HTT: variants seen among roughly 807,000 people sequenced by gnomAD.
The protein encoded by HTT is huntingtin.
Under a neutral mutation model 362.3 loss-of-function variants are expected in HTT, and 104 were observed. The observed-to-expected ratio is 0.29, with a 90% confidence interval of 0.24 to 0.34. The LOEUF (loss-of-function observed/expected upper bound fraction) is 0.34, where lower values mean the gene tolerates loss of function less well. Ranked by LOEUF, HTT falls within the 10% of genes least tolerant of loss-of-function variation. The pLI is 1.00. For missense variants in HTT, 3,301 were observed against 3,928.6 expected, an observed-to-expected ratio of 0.84 and a Z score of 4.27; for synonymous variants, 1,577 against 1,548.7, an observed-to-expected ratio of 1.02 and a Z score of -0.43.
At chr4:3,195,404 A>G (rs1371012947) in intron 40 of HTT, among the ~76,000 whole-genome samples, 3 of 151,972 alleles carry the variant, frequency 2.0e-5, no homozygotes, top group African/African-American at 7.3e-5. Flanking sequence ...TGCAGCCTGC[A>G]TCCGCCTTCC....
rs150768707 is a variant in HTT at position 3,221,586 on chromosome 4, G to A, written c.7370-801G>A. ...CTGTCTCTTGTTCTTTCTTTACCCC[G>A]TTTATCACGGGGACCCCGATGTCCA... On this transcript the variant is annotated intron_variant, in intron 53 of 66. Coordinates refer to ENST00000355072, the MANE Select transcript of HTT (RefSeq NM_001388492.1). 5.1e-4 allele frequency among the ~76,000 whole-genome samples: 77 copies of A among 152,176 alleles called. 1 individual carries two copies. The highest frequency in any genetic ancestry group is 1.6e-3 in the African/African-American group (66 of 41,506).
At chr4:3,237,554 C>T (rs1721598147) in intron 64 of HTT, among the ~76,000 whole-genome samples, 1 of 151,926 alleles carries the variant, frequency 6.6e-6, no homozygotes, top group South Asian at 2.1e-4. Flanking sequence ...GTGGTGCACG[C>T]CTTCCGCTTG....
chr4:3,134,229 G>C (rs1403961408), intron 18 of HTT, among the ~76,000 whole-genome samples, 172 bp from the exon 19 acceptor site: 6 of 152,222 alleles, frequency 3.9e-5, no homozygotes, highest in Admixed American at 6.5e-5. Context: ...TATTTACTGA[G>C]ATAAAGTATT....
At chr4:3,238,730 G>GGGGCCCCCCCCC in intron 65 of HTT, 88 bp from the exon 66 acceptor site, 1 of 1,097,030 alleles carries the variant, frequency 9.1e-7, no homozygotes, top group Non-Finnish European at 1.3e-6. Flanking sequence ...AATGCCTCTG[G>GGGGCCCCCCCCC]CCCCCACCCC....
chr4:3,119,482 G>C (rs901776835), intron 8 of HTT, among the ~76,000 whole-genome samples: 49 of 152,156 alleles, frequency 3.2e-4, no homozygotes, highest in African/African-American at 1.1e-3. Flanking sequence ...AGGTTATTGT[G>C]ACTGGACTCA....
At chr4:3,159,772 T>C (rs1717348899) in intron 28 of HTT, among the ~76,000 whole-genome samples, 1 of 152,262 alleles carries the variant, frequency 6.6e-6, no homozygotes, top group Non-Finnish European at 1.5e-5. Flanking sequence ...TCTCTGAGTC[T>C]GTAAAATAGA....
In HTT at chr4:3,212,038, G is replaced by A. The variant is rs541980046; in HGVS notation, c.6524G>A (p.Arg2175His). 2.5e-5 allele frequency: 41 copies of A among 1,614,154 alleles called. No homozygotes were observed. The highest frequency in any genetic ancestry group is 1.9e-4 in the South Asian group (17 of 91,086). Residue 2175 changes from arginine (R) to histidine (H), a missense_variant, in exon 48 of 67, where the codon CGT becomes CAT. Coordinates refer to ENST00000355072, the MANE Select transcript of HTT (RefSeq NM_001388492.1). ...FEAAREVTLARVSGTVQQLPA... is the reference protein window; with the variant it reads ...FEAAREVTLAHVSGTVQQLPA... The stretch of plus-strand genomic sequence containing the variant: ...GCAGCCCGTGAGGTGACTCTGGCCC[G>A]TGTGAGCGGCACCGTGCAGCAGCTC...
chr4:3,210,942 C>G (rs911926234), intron 47 of HTT, among the ~76,000 whole-genome samples: 3 of 131,872 alleles, frequency 2.3e-5, no homozygotes, highest in Non-Finnish European at 4.7e-5. Flanking sequence ...CGCTGTTGTC[C>G]CCCAGGCTGG....
intron 1 of HTT, among the ~76,000 whole-genome samples, chr4:3,085,080 G>C (rs745873628): frequency 6.6e-6 from 1 of 151,920 alleles, no homozygotes; most frequent in Non-Finnish European, 1.5e-5. Context: ...CCCTCCTTAC[G>C]CTTGTGTGCC....
chr4:3,099,240 T>C (rs1714022206), intron 2 of HTT, 34 bp from the exon 3 acceptor site: 7 of 1,471,396 alleles, frequency 4.8e-6, no homozygotes, highest in Non-Finnish European at 6.7e-6. Flanking sequence ...CACCTTAGGC[T>C]CCTCTTGACA....
In HTT at chr4:3,148,068, C is replaced by A. The variant is rs1716696643; in HGVS notation, c.3359C>A (p.Thr1120Asn). The A allele has an allele frequency of 6.2e-7, 1 of 1,614,132 alleles. No individual in the cohort carries two copies. The highest frequency in any genetic ancestry group is 8.5e-7 in the Non-Finnish European group (1 of 1,180,020). ...GAAGAAGAAGCCAACCCAGCAGCCA[C>A]CAAGCAAGAGGAGGTCTGGCCAGCC... ...ASEEEANPAA[T>N]KQEEVWPALG... The change falls in exon 26 of 67, where the codon ACC becomes AAC. Residue 1120 changes from threonine to asparagine, a missense_variant. By Grantham distance (65) the Thr-to-Asn change is moderately conservative. Coordinates refer to ENST00000355072, the MANE Select transcript of HTT (RefSeq NM_001388492.1).
intron 40 of HTT, among the ~76,000 whole-genome samples, chr4:3,193,942 G>A (rs1000713154): frequency 9.2e-5 from 14 of 152,068 alleles, no homozygotes; most frequent in East Asian, 3.9e-4. Context: ...GTGTGTGTGT[G>A]TATATATAAA....
intron 47 of HTT, 56 bp downstream of exon 47, chr4:3,210,005 T>C (rs1720072522): frequency 2.5e-6 from 4 of 1,596,608 alleles, no homozygotes; most frequent in African/African-American, 1.3e-5. Flanking sequence ...GACTTCCAAG[T>C]GGGATTTGTC....
intron 2 of HTT, among the ~76,000 whole-genome samples, chr4:3,097,413 C>A (rs1054963656): frequency 3.9e-5 from 6 of 152,090 alleles, no homozygotes; most frequent in Non-Finnish European, 8.8e-5. Context: ...GGACAGATCA[C>A]CTGAGGTCAG....
chr4:3,206,818 G>T lies in HTT; in HGVS notation c.5910G>T (p.Leu1970=). Residue 1970 remains leucine (L), a synonymous_variant, in exon 44 of 67, where the codon CTG becomes CTT. Coordinates refer to ENST00000355072, the MANE Select transcript of HTT (RefSeq NM_001388492.1). The surrounding 1 kb of genome is among the most constrained non-coding windows in gnomAD (Gnocchi z 4.6). ...RCENLSTPTM[L]KKTLQCLEGI... ...CTTCTTGCTGTTAGCCAACCATGCT[G>T]AAGAAAACTCTTCAGTGCTTGGAGG... 2 of 1,600,460 alleles carry T rather than the reference G, an allele frequency of 1.2e-6. No individual in the cohort carries two copies. Among genetic ancestry groups the T allele is most frequent in the Non-Finnish European group, 1.7e-6 (2 of 1,171,916 alleles).
intron 3 of HTT, among the ~76,000 whole-genome samples, chr4:3,103,602 T>TG (rs1159577684): frequency 1.3e-5 from 2 of 152,246 alleles, no homozygotes; most frequent in Non-Finnish European, 2.9e-5. Context: ...AAAGTTAAAT[T>TG]GTTTTTCTTT....
At chr4:3,099,142 G>A in intron 2 of HTT, 132 bp from the exon 3 acceptor site, 2 of 606,134 alleles carry the variant, frequency 3.3e-6, no homozygotes, top group Non-Finnish European at 2.9e-6. Flanking sequence ...ACTTTATTCA[G>A]ATTTTCTTAA....
At chr4:3,085,644 A>G (rs990056884) in intron 1 of HTT, among the ~76,000 whole-genome samples, 8 of 152,240 alleles carry the variant, frequency 5.3e-5, no homozygotes, top group Admixed American at 2.0e-4. Context: ...GGAAGGAATT[A>G]GTTTTAGTTT....
chr4:3,105,558 GC>G, intron 5 of HTT, 122 bp downstream of exon 5: 1 of 707,052 alleles, frequency 1.4e-6, no homozygotes, highest in Non-Finnish European at 2.6e-6. Flanking sequence ...AGTCGACCTT[GC>G]CCTGTTTATG....
Sources: allele counts gnomAD v4.1 joint callset (sites outside exome capture counted in the v4.1 genomes callset), GRCh38; gene constraint gnomAD v4.1.1; non-coding constraint Gnocchi (gnomAD v3.1); transcripts MANE v1.5; gene names NCBI Gene and HGNC (gene_info 2026-07-23, HGNC 2026-07-21).